AGO1: variants seen among roughly 807,000 people sequenced by gnomAD.
The protein encoded by AGO1 is protein argonaute-1.
In AGO1, 11 loss-of-function variants were observed where a neutral mutation model predicts 109.2. The observed-to-expected ratio is 0.10, with a 90% CI of 0.06 to 0.17. AGO1 has a LOEUF of 0.17. AGO1 is among the 10% of genes least tolerant of loss of function. The pLI, the probability that AGO1 is intolerant of heterozygous loss-of-function variation, is 1.00. For missense variants in AGO1, 574 were observed against 1,140.3 expected (o/e 0.50, Z 7.15); for synonymous variants, 422 against 418.6 (o/e 1.01, Z -0.10).
At chr1:35,872,071 GAA>G (rs1303552763) in intron 1 of AGO1, among the ~76,000 whole-genome samples, 9 of 78,772 alleles carry the variant, frequency 1.1e-4, no homozygotes, top group East Asian at 4.5e-4. Context: ...CTCCATCTCA[GAA>G]AAAAAAAAAA....
chr1:35,883,344 G>A lies in AGO1; in HGVS notation c.-78G>A. The A allele has an allele frequency of 6.4e-7, 1 of 1,550,840 alleles. No individual in the cohort carries two copies. Reference sequence around the variant, plus strand: ...AGCCCGGCCCGGGATCCCGAGCAGCGAGAGTGTGGGGTACCTAGGCCCCTC... The same window carrying A: ...AGCCCGGCCCGGGATCCCGAGCAGCAAGAGTGTGGGGTACCTAGGCCCCTC... On this transcript the variant is annotated 5_prime_UTR_variant, in exon 1 of 19. Transcript: ENST00000373204. The surrounding 1 kb of genome is among the most constrained non-coding windows in gnomAD (Gnocchi z 5.4).
At chr1:35,914,416 C>A in intron 14 of AGO1, 142 bp downstream of exon 14, 1 of 648,924 alleles carries the variant, frequency 1.5e-6, no homozygotes, top group South Asian at 1.8e-5. Flanking sequence ...AATTCCCATT[C>A]CCTTGATATC....
At chr1:35,904,650 T>C (rs1645486030) in intron 11 of AGO1, among the ~76,000 whole-genome samples, 1 of 152,090 alleles carries the variant, frequency 6.6e-6, no homozygotes. Flanking sequence ...TGACACCTAG[T>C]TGTAAGGGGT....
At chr1:35,917,525 A>C (rs1557623459) in intron 15 of AGO1, 68 bp from the exon 16 acceptor site, 4 of 1,546,624 alleles carry the variant, frequency 2.6e-6, no homozygotes, top group South Asian at 2.4e-5. Flanking sequence ...TCCTTAGTTC[A>C]GAAGGGTATG....
intron 15 of AGO1, among the ~76,000 whole-genome samples, chr1:35,916,939 T>C (rs1645746146): frequency 6.6e-6 from 1 of 152,344 alleles, no homozygotes; most frequent in Admixed American, 6.5e-5. Context: ...GTTGAATAAC[T>C]TGCCTGATGT....
At position 35,919,751 on chromosome 1, in the gene AGO1, G is replaced by A. The variant is rs909582929; in HGVS notation, c.*144G>A. On this transcript the variant is annotated 3_prime_UTR_variant, in exon 19 of 19. Coordinates refer to ENST00000373204, the MANE Select transcript of AGO1 (RefSeq NM_012199.5). The surrounding 1 kb of genome is among the most constrained non-coding windows in gnomAD (Gnocchi z 6.6). ...CCTTGTTTCCTTCTATAGAGGTGGT[G>A]TAAGAGTGGGGAACAGGGCCAGCAA... The A allele has an allele frequency of 4.3e-6, 3 of 702,254 alleles. No individual in the cohort carries two copies. Among genetic ancestry groups the A allele is most frequent in the Non-Finnish European group, 4.7e-6 (2 of 429,976 alleles). The allele number at this position is 702,254 out of a possible 1,614,324, so 43.5% of individuals were successfully genotyped here.
Position 35,893,643 on chromosome 1 carries a change from G to A in AGO1, c.513-31G>A, listed in dbSNP as rs761550269. 6.3e-7 allele frequency: 1 copy of A among 1,587,166 alleles called. No individual in the cohort carries two copies. The highest frequency in any genetic ancestry group is 8.6e-7 in the Non-Finnish European group (1 of 1,163,136). On this transcript the variant is annotated intron_variant, in intron 4 of 18. Transcript: ENST00000373204. The surrounding 1 kb of genome is among the most constrained non-coding windows in gnomAD (Gnocchi z 5.6). ...CCTCACAGGGTGGGGGCCTGTGCCC[G>A]AGGGACCAGTTCTCTGCCTGTCCCT... is the stretch of plus-strand genomic sequence containing the variant.
intron 8 of AGO1, among the ~76,000 whole-genome samples, chr1:35,897,926 C>T (rs1308971949): frequency 2.0e-5 from 3 of 152,216 alleles, no homozygotes; most frequent in Admixed American, 6.5e-5. Context: ...CTCTCCCCAA[C>T]AGCCTGTAGT....
In AGO1 at chr1:35,918,457, C is replaced by G. The variant is rs370646717; in HGVS notation, c.2265+34C>G. 9 of 1,505,298 alleles carry G rather than the reference C, an allele frequency of 6.0e-6. No homozygotes were observed. In the African/African-American group the frequency reaches 1.2e-4, roughly 21 times the overall value. The allele number at this position is 1,505,298 out of a possible 1,614,324, so 93.2% of individuals were successfully genotyped here. ...GCTTTATCTTGTGGTTCCAATGGGTCAAAGATGAGTTGTTCATTCATATTG... is the reference window on the plus strand; with the variant it reads ...GCTTTATCTTGTGGTTCCAATGGGTGAAAGATGAGTTGTTCATTCATATTG... On this transcript the variant is annotated intron_variant, in intron 17 of 18. Transcript: ENST00000373204.
intron 8 of AGO1, among the ~76,000 whole-genome samples, chr1:35,897,156 G>A (rs1272198650): frequency 2.6e-5 from 4 of 152,184 alleles, no homozygotes; most frequent in African/African-American, 9.7e-5. Context: ...TGATAAACAC[G>A]TAAAGTAGTT....
chr1:35,883,139 T>G, upstream of AGO1: 1 of 1,108,604 alleles, frequency 9.0e-7, no homozygotes, highest in Non-Finnish European at 1.1e-6. This position sits in a 1 kb window ranked among gnomAD's most constrained non-coding sequence, Gnocchi z 5.4. Context: ...CCATTGGCCT[T>G]TGTTGCCGTC....
upstream of AGO1, among the ~76,000 whole-genome samples, chr1:35,878,402 A>G (rs1312944750): frequency 6.6e-6 from 1 of 152,112 alleles, no homozygotes; most frequent in Non-Finnish European, 1.5e-5. Context: ...AATTTTTATA[A>G]CATAGCTAAA....
chr1:35,875,879 C>T (rs980260086), intron 1 of AGO1, among the ~76,000 whole-genome samples: 9 of 152,198 alleles, frequency 5.9e-5, no homozygotes, highest in African/African-American at 1.7e-4. Flanking sequence ...AACATCCATT[C>T]TGTAGCCTAT....
intron 15 of AGO1, among the ~76,000 whole-genome samples, chr1:35,917,012 A>G (rs1557623151): frequency 6.6e-6 from 1 of 152,242 alleles, no homozygotes; most frequent in Non-Finnish European, 1.5e-5. Flanking sequence ...CTTCTCTACC[A>G]TACAGTTTTG....
rs1645956028 is a variant in AGO1 at position 35,927,656 on chromosome 1, A to G, written c.*8049A>G. The G allele has an allele frequency of 6.6e-6, 1 of 152,194 alleles. No homozygotes were observed. Among genetic ancestry groups the G allele is most frequent in the African/African-American group, 2.4e-5 (1 of 41,444 alleles). 9.4% of individuals were successfully genotyped at this position (152,194 alleles called of 1,614,324 possible). On this transcript the variant is annotated 3_prime_UTR_variant, in exon 19 of 19. Coordinates refer to ENST00000373204, the MANE Select transcript of AGO1 (RefSeq NM_012199.5). ...CATCAGGAGTGGCTTAGATTAATGA[A>G]TTATCCTTTGAGTCGTGTAGACTAG...
intron 12 of AGO1, among the ~76,000 whole-genome samples, chr1:35,912,360 GAAA>G (rs753525049): frequency 0.11 from 4,431 of 40,112 alleles, 29 homozygotes; most frequent in Non-Finnish European, 0.16. Flanking sequence ...CTCTGTCTCA[GAAA>G]AAAAAAAAAA....
chr1:35,914,150 C>T (rs751757751), intron 13 of AGO1, 34 bp from the exon 14 acceptor site: 32 of 1,604,706 alleles, frequency 2.0e-5, no homozygotes, highest in Admixed American at 1.8e-4. Context: ...GAAGACCCAG[C>T]GCCTCACCAT....
chr1:35,911,149 G>T (rs1265453656), intron 12 of AGO1, among the ~76,000 whole-genome samples: 1 of 152,194 alleles, frequency 6.6e-6, no homozygotes, highest in Non-Finnish European at 1.5e-5. Flanking sequence ...TTTCTTGGGA[G>T]TATATCTAGG....
chr1:35,878,184 C>T (rs919384254), intron 1 of AGO1, among the ~76,000 whole-genome samples: 12 of 151,688 alleles, frequency 7.9e-5, no homozygotes, highest in Admixed American at 6.6e-4. Context: ...CCCGGATTCA[C>T]GCCATTCTCC....
Sources: gnomAD v4.1 joint callset for allele counts (sites outside exome capture counted in the v4.1 genomes callset) on GRCh38, gnomAD v4.1.1 for gene constraint, Gnocchi (gnomAD v3.1) non-coding constraint, MANE v1.5 for transcripts, NCBI Gene and HGNC (gene_info 2026-07-23, HGNC 2026-07-21) for gene names.